SORCS2: variants seen among roughly 807,000 people sequenced by gnomAD.
The protein encoded by SORCS2 is sortilin related VPS10 domain containing receptor 2, also known as VPS10 domain-containing receptor SorCS2.
SORCS2 carries 100 observed loss-of-function variants against 141.6 expected under a neutral mutation model. The ratio of observed to expected loss-of-function variants is 0.71; its 90% CI spans 0.60 to 0.83. The LOEUF (loss-of-function observed/expected upper bound fraction) is 0.83. Ranked by LOEUF, SORCS2 falls within the 40% of genes least tolerant of loss-of-function variation. The probability of loss-of-function intolerance (pLI) is 0.00; values close to 1 mark genes in which losing one functional copy is unlikely to be tolerated. For synonymous variants in SORCS2, 789 were observed against 676.9 expected (o/e 1.17, Z -2.57); for missense variants, 1,646 against 1,560.2 (o/e 1.05, Z -0.93).
chr4:7,383,390 C>A (rs910803345), intron 1 of SORCS2, among the ~76,000 whole-genome samples: 1 of 152,174 alleles, frequency 6.6e-6, no homozygotes, highest in Non-Finnish European at 1.5e-5. Flanking sequence ...CGCCCCTCCT[C>A]CCCCTGCAAG....
intron 1 of SORCS2, among the ~76,000 whole-genome samples, chr4:7,285,970 A>C (rs1716195215): frequency 6.6e-6 from 1 of 152,170 alleles, no homozygotes; most frequent in South Asian, 2.1e-4. Context: ...TGCGGGGACC[A>C]GCACCACCAT....
chr4:7,334,634 C>T (rs1281696270), intron 1 of SORCS2, among the ~76,000 whole-genome samples: 1 of 152,148 alleles, frequency 6.6e-6, no homozygotes, highest in Non-Finnish European at 1.5e-5. Context: ...GATTCAGAGG[C>T]GGGGAGTGTG....
intron 3 of SORCS2, among the ~76,000 whole-genome samples, chr4:7,542,538 C>A (rs1002558344): frequency 6.6e-6 from 1 of 151,996 alleles, no homozygotes; most frequent in Non-Finnish European, 1.5e-5. Context: ...TTGGAGCCCA[C>A]GACACCAAAA....
At chr4:7,695,908 A>G (rs1458460906) in intron 11 of SORCS2, among the ~76,000 whole-genome samples, 2 of 108,326 alleles carry the variant, frequency 1.8e-5, no homozygotes, top group Admixed American at 9.0e-5. Flanking sequence ...GGATGGATGG[A>G]TGGATGGATG....
chr4:7,586,886 C>A (rs997359001), intron 3 of SORCS2, among the ~76,000 whole-genome samples: 2 of 152,066 alleles, frequency 1.3e-5, no homozygotes, highest in African/African-American at 4.8e-5. Flanking sequence ...GTGTTGAAGA[C>A]AAGTCCTTTT....
At chr4:7,311,443 A>G (rs1275702620) in intron 1 of SORCS2, among the ~76,000 whole-genome samples, 1 of 152,198 alleles carries the variant, frequency 6.6e-6, no homozygotes, top group Non-Finnish European at 1.5e-5. Context: ...TGGGAGTGGA[A>G]TGGCTGAATC....
chr4:7,454,666 C>T (rs1296723576), intron 2 of SORCS2, among the ~76,000 whole-genome samples: 1 of 99,888 alleles, frequency 1.0e-5, no homozygotes. Flanking sequence ...TGGGGTCAGG[C>T]TCTGTGTTGG....
At chr4:7,387,813 G>T (rs1301162382) in intron 1 of SORCS2, among the ~76,000 whole-genome samples, 2 of 48,736 alleles carry the variant, frequency 4.1e-5, no homozygotes, top group East Asian at 1.7e-3. Context: ...TGCACACACA[G>T]ATACAGAGAT....
intron 10 of SORCS2, 37 bp from the exon 11 acceptor site, chr4:7,689,449 C>A: frequency 1.3e-6 from 2 of 1,545,654 alleles, no homozygotes; most frequent in South Asian, 1.2e-5. Context: ...TGCTCCTACT[C>A]ATGTGTTGAC....
At chr4:7,443,425 C>T (rs1400526098) in intron 2 of SORCS2, among the ~76,000 whole-genome samples, 5 of 152,164 alleles carry the variant, frequency 3.3e-5, no homozygotes, top group African/African-American at 1.2e-4. Flanking sequence ...GAGCGCACAG[C>T]CGCGAATGGA....
intron 2 of SORCS2, chr4:7,432,687 G>GGC (rs201230051): frequency 1.3e-5 from 2 of 152,046 alleles, no homozygotes; most frequent in African/African-American, 4.9e-5. Flanking sequence ...CTGAGACATG[G>GGC]GGGGGGACTG....
rs1239499908 is a variant in SORCS2, at chr4:7,336,322, T to G, written c.481-59966T>G. ...GATGCTGCTGGCTTCTGGGTGGCGG[T>G]GTCTCCCAGTGGAGAGCTCTGAGAC... is the stretch of plus-strand genomic sequence containing the variant. On this transcript the variant is annotated intron_variant, in intron 1 of 26. Coordinates refer to ENST00000507866, the MANE Select transcript of SORCS2 (RefSeq NM_020777.3). 2.0e-5 allele frequency among the ~76,000 whole-genome samples: 3 copies of G among 152,268 alleles called. 1 individual carries two copies. The highest frequency in any genetic ancestry group is 2.1e-4 in the South Asian group (1 of 4,818).
Position 7,703,434 on chromosome 4 carries a change from G to A in SORCS2, c.1760+63G>A, listed in dbSNP as rs1020799169. On this transcript the variant is annotated intron_variant, in intron 13 of 26. Coordinates refer to ENST00000507866, the MANE Select transcript of SORCS2 (RefSeq NM_020777.3). ...GCTGGGGCTCTTTCTTTCCACCTGG[G>A]AACCCTCTCAGACTAGTCCCCAGAA... 7.9e-6 allele frequency: 11 copies of A among 1,395,718 alleles called. No homozygotes were observed. The African/African-American group carries it at 1.3e-4, about 16-fold the overall frequency. 86.5% of individuals were successfully genotyped at this position (1,395,718 alleles called of 1,614,324 possible).
At chr4:7,314,475 G>T (rs28542004) in intron 1 of SORCS2, among the ~76,000 whole-genome samples, 45,907 of 151,650 alleles carry the variant, frequency 0.3, 7,154 homozygotes, top group South Asian at 0.44. Flanking sequence ...GAGTAGCTGG[G>T]ACTACAGGCG....
At chr4:7,536,606 G>C (rs992442486) in intron 3 of SORCS2, among the ~76,000 whole-genome samples, 4 of 152,156 alleles carry the variant, frequency 2.6e-5, no homozygotes, top group Non-Finnish European at 5.9e-5. Context: ...CCTCAGCCGT[G>C]CACGGCCCCT....
chr4:7,229,226 C>T (rs1711643134), intron 1 of SORCS2, among the ~76,000 whole-genome samples: 1 of 152,260 alleles, frequency 6.6e-6, no homozygotes, highest in South Asian at 2.1e-4. Flanking sequence ...ACCCTGTTTC[C>T]TCCCCCAGAA....
intron 1 of SORCS2, among the ~76,000 whole-genome samples, chr4:7,380,231 T>C (rs1411616886): frequency 6.6e-6 from 1 of 152,224 alleles, no homozygotes; most frequent in Non-Finnish European, 1.5e-5. Context: ...AGATCTCTGC[T>C]GTCTGAGCAT....
chr4:7,376,461 C>T (rs369917957), intron 1 of SORCS2, among the ~76,000 whole-genome samples: 1 of 152,064 alleles, frequency 6.6e-6, no homozygotes, highest in Non-Finnish European at 1.5e-5. Context: ...CCTATAATCC[C>T]AGCTACTCCG....
intron 1 of SORCS2, among the ~76,000 whole-genome samples, chr4:7,202,351 C>G (rs775124114): frequency 6.6e-6 from 1 of 152,180 alleles, no homozygotes; most frequent in Non-Finnish European, 1.5e-5. Context: ...AGTGAGGACT[C>G]TCCTTGGAAG....
Sources: gnomAD v4.1 joint callset for allele counts (sites outside exome capture counted in the v4.1 genomes callset) on GRCh38, gnomAD v4.1.1 for gene constraint, MANE v1.5 for transcripts, NCBI Gene and HGNC (gene_info 2026-07-23, HGNC 2026-07-21) for gene names.